Variants in SGCG observed in about 807,000 individuals in gnomAD.
SGCG encodes the protein sarcoglycan gamma, also known as gamma-sarcoglycan.
A neutral mutation model predicts 29.3 loss-of-function variants in SGCG; 26 were observed. The observed-to-expected ratio is 0.89, with a 90% CI of 0.65 to 1.23. SGCG has a LOEUF of 1.23. Ranked by LOEUF, SGCG falls within the 50% of genes most tolerant of loss-of-function variation. The pLI, the probability that SGCG is intolerant of heterozygous loss-of-function variation, is 0.00. For synonymous variants in SGCG, 145 were observed against 129.7 expected (o/e 1.12, Z -0.80); for missense variants, 353 against 356.0 (o/e 0.99, Z 0.07).
intron 2 of SGCG, among the ~76,000 whole-genome samples, chr13:23,232,134 A>G (rs76736977): frequency 2.0e-5 from 3 of 149,618 alleles, no homozygotes; most frequent in Admixed American, 2.0e-4. Flanking sequence ...AAAAAAAAAA[A>G]GCTCAGAAAA....
At chr13:23,163,367 G>T in the SGCG span, among the ~76,000 whole-genome samples, 5 of 152,140 alleles carry the variant, frequency 3.3e-5, no homozygotes, top group African/African-American at 1.2e-4. Context: ...TTAAGGTCCT[G>T]GGGCCCTTTG....
intron 4 of SGCG, among the ~76,000 whole-genome samples, chr13:23,278,632 G>GT (rs1881181107): frequency 1.3e-5 from 2 of 152,178 alleles, no homozygotes; most frequent in African/African-American, 4.8e-5. Context: ...GTGTAGCTGA[G>GT]TGAGTGGGAG....
intron 4 of SGCG, among the ~76,000 whole-genome samples, chr13:23,257,485 A>G (rs536410471): frequency 8.8e-4 from 134 of 152,084 alleles, no homozygotes; most frequent in Middle Eastern, 3.4e-3. Flanking sequence ...ATTTTCTCCC[A>G]TTCTGTAGGT....
upstream of SGCG, among the ~76,000 whole-genome samples, chr13:23,177,237 G>A (rs1260511586): frequency 6.6e-6 from 1 of 152,094 alleles, no homozygotes; most frequent in Non-Finnish European, 1.5e-5. Flanking sequence ...GGGAAGAAAG[G>A]GATGAGCTTG....
intron 2 of SGCG, among the ~76,000 whole-genome samples, chr13:23,221,672 A>C (rs1056583282): frequency 6.6e-6 from 1 of 152,188 alleles, no homozygotes; most frequent in African/African-American, 2.4e-5. Context: ...ATAGGCTCAA[A>C]CCTTTGTAGG....
chr13:23,294,538 G>A (rs1881832872), intron 5 of SGCG, among the ~76,000 whole-genome samples: 1 of 152,152 alleles, frequency 6.6e-6, no homozygotes, highest in Admixed American at 6.5e-5. Context: ...TGTGAAAATA[G>A]GAAATAGTCC....
At chr13:23,230,064 G>T (rs1277292432) in intron 2 of SGCG, among the ~76,000 whole-genome samples, 1 of 152,024 alleles carries the variant, frequency 6.6e-6, no homozygotes, top group African/African-American at 2.4e-5. Context: ...GCTTGTTCTT[G>T]TCAGCTTTGT....
chr13:23,289,514 G>A (rs2137634216), intron 5 of SGCG, among the ~76,000 whole-genome samples: 1 of 152,310 alleles, frequency 6.6e-6, no homozygotes, highest in African/African-American at 2.4e-5. Context: ...GGCATCTTAA[G>A]TTACTCTCCC....
chr13:23,313,013 C>G (rs1054351494), intron 6 of SGCG, among the ~76,000 whole-genome samples: 1 of 152,102 alleles, frequency 6.6e-6, no homozygotes, highest in Non-Finnish European at 1.5e-5. Flanking sequence ...ATCCTCTGAA[C>G]TGTTTCCTGA....
chr13:23,311,711 T>C (rs1320552983), intron 6 of SGCG, among the ~76,000 whole-genome samples: 1 of 152,228 alleles, frequency 6.6e-6, no homozygotes. Flanking sequence ...ATAAAATTAC[T>C]AAAGATGAGT....
At chr13:23,215,799 T>TTG (rs1878403793) in intron 2 of SGCG, among the ~76,000 whole-genome samples, 2 of 125,724 alleles carry the variant, frequency 1.6e-5, no homozygotes, top group African/African-American at 6.3e-5. Flanking sequence ...AAGCTGAGAG[T>TTG]TAAAAAAAAA....
At chr13:23,275,277 G>A (rs1414768369) in intron 4 of SGCG, among the ~76,000 whole-genome samples, 1 of 151,930 alleles carries the variant, frequency 6.6e-6, no homozygotes, top group East Asian at 1.9e-4. Flanking sequence ...CACTTTGGGA[G>A]GCAGAGGTGG....
chr13:23,244,864 G>A (rs1450015848), intron 3 of SGCG: 2 of 152,138 alleles, frequency 1.3e-5, no homozygotes, highest in African/African-American at 4.8e-5. Flanking sequence ...GCGCCGGAGT[G>A]GCGTGAAGGC....
chr13:23,259,931 TTTTACA>T (rs202221178), intron 4 of SGCG, among the ~76,000 whole-genome samples: 4,234 of 152,296 alleles, frequency 0.028, 80 homozygotes, highest in Non-Finnish European at 0.033. Context: ...ATTTCTGTTC[TTTTACA>T]TTTGCTGAGG....
chr13:23,267,250 G>T (rs1232622985), intron 4 of SGCG, among the ~76,000 whole-genome samples: 1 of 152,184 alleles, frequency 6.6e-6, no homozygotes, highest in Non-Finnish European at 1.5e-5. Flanking sequence ...TGTCCCAACT[G>T]CCTAGCAGCC....
chr13:23,210,505 C>G (rs1878152436), intron 2 of SGCG, among the ~76,000 whole-genome samples: 1 of 152,090 alleles, frequency 6.6e-6, no homozygotes, highest in East Asian at 1.9e-4. Flanking sequence ...TCCTGGTTAA[C>G]ACAGTGAAAC....
At chr13:23,320,881 T>C in intron 7 of SGCG, 121 bp downstream of exon 7, 1 of 1,043,400 alleles carries the variant, frequency 9.6e-7, no homozygotes, top group Non-Finnish European at 1.5e-6. Context: ...GTGAAGGTCA[T>C]AGAGTAGCAA....
chr13:23,308,170 A>G (rs1330347764), intron 6 of SGCG, among the ~76,000 whole-genome samples: 3 of 152,260 alleles, frequency 2.0e-5, no homozygotes, highest in Non-Finnish European at 4.4e-5. Context: ...ATAAACTTTC[A>G]GGAACTTGGG....
In SGCG at chr13:23,284,798, C is replaced by T. The variant is rs546776029; in HGVS notation, c.505+5320C>T. Among the ~76,000 whole-genome samples the T allele has an allele frequency of 3.9e-4, 59 of 152,178 alleles. 1 individual carries two copies. Among genetic ancestry groups the T allele is most frequent in the Admixed American group, 3.8e-3 (58 of 15,290 alleles). ...ACCTTTGGATGGGGTTTCATGTAGA[C>T]GTCCTTTTTGTTGATGTTGATGCTA... On this transcript the variant is annotated intron_variant, in intron 5 of 7. Transcript: ENST00000218867.
Sources: allele counts gnomAD v4.1 joint callset (sites outside exome capture counted in the v4.1 genomes callset), GRCh38; gene constraint gnomAD v4.1.1; transcripts MANE v1.5; gene names NCBI Gene and HGNC (gene_info 2026-07-23, HGNC 2026-07-21).